Variants in IQSEC1 observed in about 807,000 individuals in gnomAD.
IQSEC1 encodes IQ motif and SEC7 domain-containing protein 1.
In IQSEC1, 31 loss-of-function variants were observed where a neutral mutation model predicts 91.0. The observed-to-expected ratio is 0.34, with a 90% CI of 0.26 to 0.46. The LOEUF is 0.46. IQSEC1 is among the 20% of genes least tolerant of loss of function. The pLI is 1.00. For synonymous variants in IQSEC1, 699 were observed against 662.6 expected (o/e 1.05, Z -0.84); for missense variants, 1,388 against 1,575.6 (o/e 0.88, Z 2.02).
chr3:13,145,704 C>T (rs556945380), intron 2 of IQSEC1, among the ~76,000 whole-genome samples: 4 of 148,236 alleles, frequency 2.7e-5, no homozygotes, highest in East Asian at 4.1e-4. Context: ...CCAGAGGAGG[C>T]GTGGACAAAG....
At chr3:13,078,938 AGCAGATCTT>A (rs894514255) in intron 2 of IQSEC1, among the ~76,000 whole-genome samples, 34 of 152,360 alleles carry the variant, frequency 2.2e-4, no homozygotes, top group Admixed American at 1.7e-3. Context: ...TTTTCACTAA[AGCAGATCTT>A]TTCTATCAGT....
Position 12,936,124 on chromosome 3 carries a change from G to C in IQSEC1, c.892C>G (p.Leu298Val), listed in dbSNP as rs868368530. 6.2e-7 allele frequency: 1 copy of C among 1,612,048 alleles called. No individual in the cohort carries two copies. The highest frequency in any genetic ancestry group is 2.2e-5 in the East Asian group (1 of 44,860). ...DVTLYIDEEE[L>V]SPPLPLSQAG... is the part of the protein sequence containing the mutation. ...TGCGAGAGGGGCAGAGGGGGCGACA[G>C]CTCCTCCTCATCGATGTACAGGGTG... The change falls in exon 3 of 14, where the codon CTG becomes GTG. Residue 298 changes from leucine to valine, a missense_variant. Physicochemically the swap from Leu to Val is conservative, Grantham distance 32. Around this residue, in one of 2 missense-constraint regions of IQSEC1, gnomAD observed 1,059 missense variants for 1,317.8 expected, o/e 0.80. Transcript: ENST00000613206.
intron 1 of IQSEC1, 50 bp downstream of exon 1, chr3:13,072,942 G>A (rs1298130416): frequency 3.3e-6 from 5 of 1,497,484 alleles, no homozygotes; most frequent in Non-Finnish European, 4.6e-6. Context: ...CAGCTCAGCC[G>A]GGCCCCTCTG....
intron 1 of IQSEC1, among the ~76,000 whole-genome samples, chr3:13,235,337 G>A (rs1028922908): frequency 1.3e-5 from 2 of 152,182 alleles, no homozygotes; most frequent in Non-Finnish European, 2.9e-5. Flanking sequence ...CCCCTGGCTG[G>A]TGGCAGTTAC....
At chr3:13,032,084 C>T (rs914993860) in intron 1 of IQSEC1, among the ~76,000 whole-genome samples, 12 of 152,176 alleles carry the variant, frequency 7.9e-5, no homozygotes, top group South Asian at 2.1e-4. Context: ...CCTTTCTCTA[C>T]GCACACACAC....
chr3:13,226,589 C>CA (rs59319538), intron 1 of IQSEC1, among the ~76,000 whole-genome samples: 26,098 of 144,186 alleles, frequency 0.18, 3,235 homozygotes, highest in African/African-American at 0.34. Context: ...CCATCTCTAC[C>CA]AAAAAAAAAA....
At chr3:13,173,079 G>A (rs1044075511) in intron 1 of IQSEC1, among the ~76,000 whole-genome samples, 3 of 152,196 alleles carry the variant, frequency 2.0e-5, no homozygotes, top group African/African-American at 2.4e-5. Flanking sequence ...TTGAGTTTTC[G>A]GGTTTTCTCC....
intron 2 of IQSEC1, among the ~76,000 whole-genome samples, chr3:13,124,934 T>G (rs902711259): frequency 6.6e-6 from 1 of 152,188 alleles, no homozygotes; most frequent in African/African-American, 2.4e-5. Flanking sequence ...GCCACCATCC[T>G]GGCCTGGCCA....
At chr3:12,902,652 AAAC>A (rs1489848013) in intron 13 of IQSEC1, 118 bp downstream of exon 13, 45 of 619,490 alleles carry the variant, frequency 7.3e-5, no homozygotes, top group South Asian at 5.4e-4. Flanking sequence ...CCAAAAAAAA[AAAC>A]AACAAAAAAA....
intron 1 of IQSEC1, among the ~76,000 whole-genome samples, chr3:13,257,429 C>T (rs1228187645): frequency 6.6e-6 from 1 of 152,212 alleles, no homozygotes; most frequent in Non-Finnish European, 1.5e-5. Flanking sequence ...CCTCGCTAGG[C>T]TCCCTCACAT....
At chr3:12,971,511 A>G (rs768264196) in intron 1 of IQSEC1, among the ~76,000 whole-genome samples, 60 of 152,250 alleles carry the variant, frequency 3.9e-4, no homozygotes, top group Non-Finnish European at 7.1e-4. Context: ...TGTTAAAAAG[A>G]TGGCAGCAGC....
In IQSEC1 at chr3:12,908,486, A is replaced by G; in HGVS notation, c.2618T>C (p.Met873Thr). 6.2e-7 allele frequency: 1 copy of G among 1,613,604 alleles called. No individual in the cohort carries two copies. Among genetic ancestry groups the G allele is most frequent in the South Asian group, 1.1e-5 (1 of 91,082 alleles). Residue 873 changes from methionine (M) to threonine (T), a missense_variant, in exon 12 of 14, where the codon ATG (methionine) becomes ACG (threonine). Met to Thr is a moderately conservative substitution (Grantham distance 81). Coordinates refer to ENST00000613206, the MANE Select transcript of IQSEC1 (RefSeq NM_001134382.3). This position sits in a 1 kb window ranked among gnomAD's most constrained non-coding sequence, Gnocchi z 4.9. ...CTTTTTGAGGCTAGAGCACTGGGAC[A>G]TGCTGGGCCGCACGACGCCTTTCTG... ...EKQKGVVRPS[M>T]SQCSSLKKES...
At chr3:12,946,873 C>T (rs1037974149) in intron 1 of IQSEC1, among the ~76,000 whole-genome samples, 1 of 152,196 alleles carries the variant, frequency 6.6e-6, no homozygotes, top group Non-Finnish European at 1.5e-5. Flanking sequence ...AGGGCAGGGA[C>T]AGCAGACCTG....
chr3:13,012,682 T>A (rs1361349459), intron 1 of IQSEC1, among the ~76,000 whole-genome samples: 1 of 152,172 alleles, frequency 6.6e-6, no homozygotes, highest in Non-Finnish European at 1.5e-5. Context: ...TGCCTCACAG[T>A]GAAGACAGTA....
At position 13,183,786 on chromosome 3, in the gene IQSEC1, C is replaced by G. The variant is rs1421019537; in HGVS notation, c.273-19653G>C. Among the ~76,000 whole-genome samples, 3 of 152,002 alleles carry G rather than the reference C, an allele frequency of 2.0e-5. No individual in the cohort carries two copies. The East Asian group carries it at 5.8e-4, about 29-fold the overall frequency. On this transcript the variant is annotated intron_variant, in intron 1 of 15. Coordinates refer to the IQSEC1 transcript ENST00000648114. ...AAACTGGACCCTTGCTTGGTTTTACCTGCAGGCTATAGTTTGCTGACCCAT... is the reference window on the plus strand; with the variant it reads ...AAACTGGACCCTTGCTTGGTTTTACGTGCAGGCTATAGTTTGCTGACCCAT...
rs1222362996 is a variant in IQSEC1 at position 13,214,655 on chromosome 3, C to T, written c.273-50522G>A. On this transcript the variant is annotated intron_variant, in intron 1 of 15. Transcript: ENST00000648114. This position sits in a 1 kb window ranked among gnomAD's most constrained non-coding sequence, Gnocchi z 4.5. ...ATCCACCCTGGCAAGAGCAGGGCCA[C>T]GGTGCCATCAAGGGGCCACTGTGGC... Among the ~76,000 whole-genome samples, 4 of 152,192 alleles carry T rather than the reference C, an allele frequency of 2.6e-5. No homozygotes were observed. The highest frequency in any genetic ancestry group is 2.1e-4 in the South Asian group (1 of 4,834).
chr3:13,088,270 A>G (rs1705770419), intron 2 of IQSEC1, among the ~76,000 whole-genome samples: 1 of 152,192 alleles, frequency 6.6e-6, no homozygotes, highest in African/African-American at 2.4e-5. Context: ...GGGAAGAGGA[A>G]CTGCTGGCCA....
chr3:13,102,598 C>T (rs1014654521), intron 2 of IQSEC1, among the ~76,000 whole-genome samples: 5 of 152,248 alleles, frequency 3.3e-5, no homozygotes, highest in East Asian at 1.9e-4. Context: ...TGTCCTTCCC[C>T]GGTCGGGTGG....
intron 1 of IQSEC1, among the ~76,000 whole-genome samples, chr3:12,998,305 C>G (rs978087178): frequency 6.6e-6 from 1 of 152,062 alleles, no homozygotes; most frequent in Non-Finnish European, 1.5e-5. Flanking sequence ...AAGCTGTGAT[C>G]ACTCCACTGC....
Sources: allele counts gnomAD v4.1 joint callset (sites outside exome capture counted in the v4.1 genomes callset), GRCh38; gene constraint gnomAD v4.1.1; regional missense constraint gnomAD v4.1.1; non-coding constraint Gnocchi (gnomAD v3.1); transcripts MANE v1.5; gene names NCBI Gene and HGNC (gene_info 2026-07-23, HGNC 2026-07-21).